The following MORN1 variants were observed in gnomAD, a reference collection of about 807,000 sequenced individuals.
MORN1 encodes the protein MORN repeat containing 1.
In MORN1, 67 loss-of-function variants were observed where a neutral mutation model predicts 61.9. That is an observed-to-expected ratio of 1.08 (90% CI 0.89 to 1.33). MORN1 has a LOEUF of 1.33. MORN1 is among the 40% of genes most tolerant of loss of function. The pLI is 0.00. For missense variants in MORN1, 752 were observed against 691.2 expected (o/e 1.09, Z -0.99); for synonymous variants, 301 against 292.0 (o/e 1.03, Z -0.31).
intron 6 of MORN1, among the ~76,000 whole-genome samples, chr1:2,379,780 T>C (rs376103347): frequency 1.4e-4 from 21 of 152,324 alleles, no homozygotes; most frequent in African/African-American, 4.3e-4. Context: ...TGGAACTGTG[T>C]GCACTGTGGG....
chr1:2,336,765 C>A lies in MORN1; in HGVS notation c.1122G>T (p.Pro374=). Residue 374 remains proline (P), a synonymous_variant, in exon 11 of 14, where the codon CCG becomes CCT. Transcript: ENST00000378531. ...CAEFTDVLLG[P]PPPGYHPFLF... ...GGAAGGGGTGGTACCCAGGCGGGGG[C>A]GGCCCCAGGAGGACATCTGTGAACT... 2 of 1,602,502 alleles carry A rather than the reference C, an allele frequency of 1.2e-6. No individual in the cohort carries two copies. The highest frequency in any genetic ancestry group is 1.3e-5 in the African/African-American group (1 of 74,762).
At chr1:2,330,929 A>G (rs918353154) in intron 12 of MORN1, among the ~76,000 whole-genome samples, 3 of 152,246 alleles carry the variant, frequency 2.0e-5, no homozygotes, top group Admixed American at 2.0e-4. Flanking sequence ...TGCAGCTGAC[A>G]TAATCTCACA....
At chr1:2,333,437 C>T (rs1450079126) in intron 12 of MORN1, among the ~76,000 whole-genome samples, 7 of 152,328 alleles carry the variant, frequency 4.6e-5, no homozygotes, top group African/African-American at 1.2e-4. Flanking sequence ...TGAGTGGCCT[C>T]GGGCCTGGAG....
chr1:2,331,071 G>A (rs1287603497), intron 12 of MORN1, among the ~76,000 whole-genome samples: 1 of 152,016 alleles, frequency 6.6e-6, no homozygotes. Context: ...GCGGGCACGT[G>A]CGGGGCCCTC....
At chr1:2,333,490 C>T (rs889232640) in intron 12 of MORN1, among the ~76,000 whole-genome samples, 62 of 152,228 alleles carry the variant, frequency 4.1e-4, no homozygotes, top group African/African-American at 1.5e-3. Flanking sequence ...GGGGCCATGG[C>T]TCCTGCAGAA....
At chr1:2,360,671 C>G (rs1036554397) in intron 8 of MORN1, among the ~76,000 whole-genome samples, 1 of 151,566 alleles carries the variant, frequency 6.6e-6, no homozygotes, top group Non-Finnish European at 1.5e-5. Flanking sequence ...CCCTGCAGCC[C>G]GCAGGAGGCC....
At chr1:2,340,939 G>C (rs1191999536) in intron 10 of MORN1, among the ~76,000 whole-genome samples, 1 of 152,238 alleles carries the variant, frequency 6.6e-6, no homozygotes, top group Non-Finnish European at 1.5e-5. Context: ...CCAAAACATG[G>C]GGCCCATAGT....
rs1369854720 is a variant in MORN1 at position 2,348,721 on chromosome 1, G to GCACGCACACACACA, written c.1036+8710_1036+8711insTGTGTGTGTGCGTG. Among the ~76,000 whole-genome samples the GCACGCACACACACA allele has an allele frequency of 6.5e-4, 9 of 13,930 alleles. 1 individual carries two copies. In the South Asian group the frequency reaches 0.011, roughly 17 times the overall value. 9.1% of individuals were successfully genotyped at this position (13,930 alleles called of 152,430 possible). A position where few individuals can be genotyped will look rare whatever the true frequency, so the allele number is the denominator to read the frequency against. On this transcript the variant is annotated intron_variant, in intron 10 of 13. Transcript: ENST00000378531. ...CGCACGCACACGCACACCTGCGCGG[G>GCACGCACACACACA]CACGCACACGCACACCTGCGCGGGC...
At chr1:2,383,509 T>C (rs1362788418) in intron 6 of MORN1, among the ~76,000 whole-genome samples, 1 of 152,214 alleles carries the variant, frequency 6.6e-6, no homozygotes, top group Non-Finnish European at 1.5e-5. Context: ...CATAGGAGAA[T>C]CTTGGCAAGG....
At chr1:2,390,609 G>C in intron 1 of MORN1, 3 of 985,414 alleles carry the variant, frequency 3.0e-6, no homozygotes, top group Non-Finnish European at 3.6e-6. Context: ...GAAAATGTCG[G>C]GGAGGAGGGC....
intron 12 of MORN1, among the ~76,000 whole-genome samples, chr1:2,330,579 A>T (rs1209399078): frequency 1.3e-5 from 2 of 152,218 alleles, no homozygotes; most frequent in Non-Finnish European, 2.9e-5. Context: ...AGTAAAAAAA[A>T]TTAATTGACT....
Position 2,325,338 on chromosome 1 carries a change from G to A in MORN1, c.1251-1195C>T, listed in dbSNP as rs114786370. 9.9e-3 allele frequency among the ~76,000 whole-genome samples: 1,440 copies of A among 144,790 alleles called. 25 individuals are homozygous for A. The highest frequency in any genetic ancestry group is 0.036 in the African/African-American group (1,380 of 38,634). 95.0% of individuals were successfully genotyped at this position (144,790 alleles called of 152,430 possible). A position where few individuals can be genotyped will look rare whatever the true frequency, so the allele number is the denominator to read the frequency against. On this transcript the variant is annotated intron_variant, in intron 12 of 13. Transcript: ENST00000378531. ...TCCTTTCTTTCTCTAGATAGAGTCTGGCTCTGTGACCCAGGCTAGAGTGCA... is the reference window on the plus strand; with the variant it reads ...TCCTTTCTTTCTCTAGATAGAGTCTAGCTCTGTGACCCAGGCTAGAGTGCA...
intron 10 of MORN1, chr1:2,355,558 G>A: frequency 1.4e-6 from 2 of 1,396,398 alleles, no homozygotes; most frequent in South Asian, 2.5e-5. Flanking sequence ...GCATGGAGGT[G>A]GCCCTGGTGG....
chr1:2,369,550 C>T (rs545284699), intron 8 of MORN1, among the ~76,000 whole-genome samples: 3 of 151,876 alleles, frequency 2.0e-5, no homozygotes, highest in African/African-American at 7.2e-5. Context: ...TTAAGGAATC[C>T]TCTAAGAAAC....
rs1240340101 is a variant in MORN1, at chr1:2,334,238, G to T, written c.1250+2231C>A. ...ACAGTTGAGGGCCTCTGGGTGGTGG[G>T]GGGGCAGCAGGTGTAAGAACGGTAA... On this transcript the variant is annotated intron_variant, in intron 12 of 13. Coordinates refer to ENST00000378531, the MANE Select transcript of MORN1 (RefSeq NM_024848.3). This position sits in a 1 kb window ranked among gnomAD's most constrained non-coding sequence, Gnocchi z 5.4. Among the ~76,000 whole-genome samples the T allele has an allele frequency of 1.3e-5, 2 of 152,116 alleles. No individual in the cohort carries two copies. The highest frequency in any genetic ancestry group is 2.9e-5 in the Non-Finnish European group (2 of 68,016).
At chr1:2,339,338 C>T (rs770449454) in intron 10 of MORN1, among the ~76,000 whole-genome samples, 3 of 152,290 alleles carry the variant, frequency 2.0e-5, no homozygotes, top group South Asian at 2.1e-4. Flanking sequence ...TGCTGCCACA[C>T]GGTGGGGACT....
At chr1:2,366,852 GTCAGATATT>G (rs1312179988) in intron 8 of MORN1, among the ~76,000 whole-genome samples, 1 of 152,068 alleles carries the variant, frequency 6.6e-6, no homozygotes, top group Non-Finnish European at 1.5e-5. Context: ...ATCTATCATA[GTCAGATATT>G]TCAATATGCT....
intron 12 of MORN1, among the ~76,000 whole-genome samples, chr1:2,335,910 G>A (rs1015244486): frequency 6.6e-6 from 1 of 150,726 alleles, no homozygotes; most frequent in East Asian, 1.9e-4. Flanking sequence ...GCTGGACTCC[G>A]AGCCCCGAGC....
chr1:2,374,894 T>G (rs1396096681), intron 6 of MORN1: 1 of 251,662 alleles, frequency 4.0e-6, no homozygotes, highest in African/African-American at 2.2e-5. Flanking sequence ...AAAGATATTG[T>G]GTTTGTGGCA....
Sources: allele counts gnomAD v4.1 joint callset (sites outside exome capture counted in the v4.1 genomes callset), GRCh38; gene constraint gnomAD v4.1.1; non-coding constraint Gnocchi (gnomAD v3.1); transcripts MANE v1.5; gene names NCBI Gene and HGNC (gene_info 2026-07-23, HGNC 2026-07-21).